The following KCNMA1 variants were observed in gnomAD, a reference collection of about 807,000 sequenced individuals.
The protein encoded by KCNMA1 is Calcium-activated potassium channel subunit alpha-1.
KCNMA1 carries 29 observed loss-of-function variants against 140.0 expected under a neutral mutation model. The ratio of observed to expected loss-of-function variants is 0.21; its 90% CI spans 0.15 to 0.28. The LOEUF is 0.28. Among genes scored for constraint, KCNMA1 ranks in the 10% least tolerant of loss-of-function variants. KCNMA1 has a pLI of 1.00. For missense variants in KCNMA1, 880 were observed against 1,602.2 expected (o/e 0.55, Z 7.70); for synonymous variants, 612 against 611.9 (o/e 1.00, Z 0.00).
At chr10:76,889,095 ACTTAT>A (rs1453855657) in intron 27 of KCNMA1, among the ~76,000 whole-genome samples, 1 of 152,112 alleles carries the variant, frequency 6.6e-6, no homozygotes, top group African/African-American at 2.4e-5. Context: ...AAACAAAAAA[ACTTAT>A]CTTAAACACT....
At chr10:77,068,043 G>C (rs1350803428) in intron 14 of KCNMA1, among the ~76,000 whole-genome samples, 1 of 152,150 alleles carries the variant, frequency 6.6e-6, no homozygotes, top group Non-Finnish European at 1.5e-5. Flanking sequence ...GTATACTCAA[G>C]GGCAAACCTG....
chr10:77,403,594 T>A (rs1040069838), intron 2 of KCNMA1, among the ~76,000 whole-genome samples: 1 of 152,148 alleles, frequency 6.6e-6, no homozygotes, highest in African/African-American at 2.4e-5. Flanking sequence ...TGTGCGCGCA[T>A]GTGTGCTTTA....
chr10:77,299,559 A>T (rs901561350), intron 2 of KCNMA1, among the ~76,000 whole-genome samples: 1 of 152,138 alleles, frequency 6.6e-6, no homozygotes, highest in African/African-American at 2.4e-5. Flanking sequence ...CAAGCTTTGG[A>T]AACAAGTTTA....
intron 23 of KCNMA1, among the ~76,000 whole-genome samples, chr10:76,918,958 G>A (rs1402930346): frequency 7.6e-6 from 1 of 132,244 alleles, no homozygotes; most frequent in Admixed American, 7.5e-5. Flanking sequence ...ATATATATGT[G>A]AGTGAATACT....
chr10:77,063,973 T>A, intron 14 of KCNMA1: 1 of 985,310 alleles, frequency 1.0e-6, no homozygotes, highest in Non-Finnish European at 1.2e-6. Context: ...CCAGGGTGAG[T>A]GTCAGCTTCT....
intron 3 of KCNMA1, among the ~76,000 whole-genome samples, chr10:77,243,781 A>G (rs1383841878): frequency 6.6e-6 from 1 of 152,176 alleles, no homozygotes; most frequent in Non-Finnish European, 1.5e-5. Context: ...TCCACAGTGG[A>G]GCTGAACTCT....
At chr10:77,016,407 T>A (rs2092045840) in intron 17 of KCNMA1, among the ~76,000 whole-genome samples, 2 of 152,290 alleles carry the variant, frequency 1.3e-5, no homozygotes, top group Admixed American at 1.3e-4. Flanking sequence ...TCACCACTGT[T>A]TCCCTGGTGC....
intron 15 of KCNMA1, among the ~76,000 whole-genome samples, chr10:77,028,369 G>A (rs1383884201): frequency 6.6e-6 from 1 of 152,078 alleles, no homozygotes; most frequent in Non-Finnish European, 1.5e-5. Context: ...CTCTGTGTAA[G>A]TGCCCAGCAC....
intron 2 of KCNMA1, among the ~76,000 whole-genome samples, chr10:77,290,759 G>C (rs1020845089): frequency 3.3e-5 from 5 of 152,184 alleles, no homozygotes; most frequent in Admixed American, 3.3e-4. Context: ...GACTGCTTTT[G>C]AAGGGCAGGA....
At chr10:77,297,920 C>T (rs1439433863) in intron 2 of KCNMA1, among the ~76,000 whole-genome samples, 1 of 152,180 alleles carries the variant, frequency 6.6e-6, no homozygotes, top group African/African-American at 2.4e-5. Context: ...GGAGTGCACA[C>T]AGTAGACCCA....
chr10:77,592,006 G>A (rs547275997), intron 1 of KCNMA1, among the ~76,000 whole-genome samples: 3 of 152,214 alleles, frequency 2.0e-5, no homozygotes, highest in East Asian at 3.9e-4. Flanking sequence ...AGTCTCATTC[G>A]TTCGCCCAGC....
intron 3 of KCNMA1, among the ~76,000 whole-genome samples, chr10:77,217,159 G>A (rs1283974781): frequency 6.6e-6 from 1 of 151,966 alleles, no homozygotes; most frequent in African/African-American, 2.4e-5. Flanking sequence ...ACAAAAATTA[G>A]CTAGGCATGG....
chr10:77,246,954 C>T (rs773241913), intron 3 of KCNMA1, among the ~76,000 whole-genome samples: 17 of 152,152 alleles, frequency 1.1e-4, no homozygotes, highest in Non-Finnish European at 2.4e-4. Context: ...TCAGCAAGTG[C>T]CCCCATTGTG....
chr10:77,286,492 C>T (rs1329393018), intron 2 of KCNMA1, among the ~76,000 whole-genome samples: 1 of 152,196 alleles, frequency 6.6e-6, no homozygotes, highest in Non-Finnish European at 1.5e-5. Context: ...TGGTAATACC[C>T]ATCTCTCACG....
intron 1 of KCNMA1, among the ~76,000 whole-genome samples, chr10:77,486,443 T>C (rs866392): frequency 0.61 from 92,933 of 152,016 alleles, 29,475 homozygotes; most frequent in East Asian, 0.8. Flanking sequence ...TACCCCACTT[T>C]CCAGGGTTGT....
At chr10:77,041,844 C>T (rs1212673697) in intron 14 of KCNMA1, among the ~76,000 whole-genome samples, 1 of 152,162 alleles carries the variant, frequency 6.6e-6, no homozygotes, top group Non-Finnish European at 1.5e-5. Flanking sequence ...TAAAAGGCAT[C>T]TTGCTGGCAG....
chr10:77,040,212 C>T (rs1278694363), intron 14 of KCNMA1, among the ~76,000 whole-genome samples: 1 of 152,048 alleles, frequency 6.6e-6, no homozygotes, highest in African/African-American at 2.4e-5. Flanking sequence ...GGTGCGGAGA[C>T]ATGGGCACTC....
At chr10:77,287,391 T>C (rs908351919) in intron 2 of KCNMA1, among the ~76,000 whole-genome samples, 1 of 152,212 alleles carries the variant, frequency 6.6e-6, no homozygotes, top group Non-Finnish European at 1.5e-5. Context: ...AAAGAGGTCA[T>C]TGCAAATTCC....
chr10:77,213,778 A>T (rs1413224526), intron 3 of KCNMA1, among the ~76,000 whole-genome samples: 4 of 152,008 alleles, frequency 2.6e-5, no homozygotes, highest in African/African-American at 4.8e-5. Flanking sequence ...CTTGCTCTGG[A>T]CCCGAAGAAA....
Sources: allele counts gnomAD v4.1 joint callset (sites outside exome capture counted in the v4.1 genomes callset), GRCh38; gene constraint gnomAD v4.1.1; transcripts MANE v1.5; gene names NCBI Gene and HGNC (gene_info 2026-07-23, HGNC 2026-07-21).